The following NRG3 variants were observed in gnomAD, a reference collection of about 807,000 sequenced individuals.
NRG3 encodes pro-neuregulin-3, membrane-bound isoform.
Under a neutral mutation model 66.9 loss-of-function variants are expected in NRG3, and 31 were observed. That is an observed-to-expected ratio of 0.46 (90% CI 0.35 to 0.63). NRG3 has a LOEUF of 0.63. NRG3 is among the 20% of genes least tolerant of loss of function. The pLI is 0.00. For missense variants in NRG3, 910 were observed against 878.9 expected (o/e 1.04, Z -0.45); for synonymous variants, 393 against 359.4 (o/e 1.09, Z -1.06).
intron 1 of NRG3, among the ~76,000 whole-genome samples, chr10:82,354,184 G>A (rs561865462): frequency 7.3e-5 from 11 of 149,748 alleles, no homozygotes; most frequent in East Asian, 4.0e-4. Flanking sequence ...ACAGGCGTGC[G>A]CCACCATGCC....
At chr10:82,470,758 A>T (rs999593966) in intron 2 of NRG3, among the ~76,000 whole-genome samples, 1 of 152,164 alleles carries the variant, frequency 6.6e-6, no homozygotes, top group Non-Finnish European at 1.5e-5. Context: ...CAGCTCAGCA[A>T]TCCTTTTGCC....
intron 3 of NRG3, among the ~76,000 whole-genome samples, chr10:82,794,753 C>T (rs781647052): frequency 6.6e-6 from 1 of 151,944 alleles, no homozygotes; most frequent in African/African-American, 2.4e-5. Flanking sequence ...TTAAATACAT[C>T]GAAGAGTAAA....
chr10:82,549,612 A>G (rs1565057843), intron 2 of NRG3, among the ~76,000 whole-genome samples: 2 of 152,182 alleles, frequency 1.3e-5, no homozygotes, highest in Non-Finnish European at 2.9e-5. Flanking sequence ...ACTATCTGTT[A>G]CAAAGCTGAT....
At chr10:82,579,927 G>A (rs770714785) in intron 2 of NRG3, among the ~76,000 whole-genome samples, 1 of 151,854 alleles carries the variant, frequency 6.6e-6, no homozygotes. Flanking sequence ...TATCAATACA[G>A]TCACTCCTTG....
intron 1 of NRG3, among the ~76,000 whole-genome samples, chr10:81,934,013 T>G (rs972226364): frequency 1.3e-5 from 2 of 152,228 alleles, no homozygotes; most frequent in African/African-American, 2.4e-5. Flanking sequence ...CATTTGGATA[T>G]TGTTTAAACC....
At chr10:82,798,127 C>G (rs1359378327) in intron 3 of NRG3, among the ~76,000 whole-genome samples, 1 of 151,974 alleles carries the variant, frequency 6.6e-6, no homozygotes, top group Admixed American at 6.6e-5. Context: ...CACTGTTTTC[C>G]TCTTACTCAC....
intron 1 of NRG3, among the ~76,000 whole-genome samples, chr10:82,201,911 AAG>A (rs2074848071): frequency 6.6e-6 from 1 of 152,092 alleles, no homozygotes; most frequent in African/African-American, 2.4e-5. Flanking sequence ...GGATTTAGAG[AAG>A]AGAGAGACAC....
chr10:82,708,128 C>T (rs1392452222), intron 2 of NRG3, among the ~76,000 whole-genome samples: 1 of 151,940 alleles, frequency 6.6e-6, no homozygotes, highest in African/African-American at 2.4e-5. Flanking sequence ...TACGAATACT[C>T]TGCTATTTTT....
At chr10:82,354,299 T>G (rs1257718527) in intron 1 of NRG3, among the ~76,000 whole-genome samples, 1 of 152,004 alleles carries the variant, frequency 6.6e-6, no homozygotes, top group Non-Finnish European at 1.5e-5. Context: ...CCTTGGCTCC[T>G]GTAGTTCTGA....
intron 1 of NRG3, among the ~76,000 whole-genome samples, chr10:82,187,546 G>A (rs2073879029): frequency 2.0e-5 from 3 of 152,156 alleles, no homozygotes; most frequent in Non-Finnish European, 1.5e-5. Context: ...TTAATTTAGA[G>A]TGAGAAGGAT....
chr10:82,746,511 G>A (rs2058652202), intron 3 of NRG3, among the ~76,000 whole-genome samples: 1 of 152,142 alleles, frequency 6.6e-6, no homozygotes, highest in African/African-American at 2.4e-5. Flanking sequence ...GGAGAGCTGG[G>A]CATTCAGGAG....
At chr10:82,822,285 G>A (rs2061985050) in intron 3 of NRG3, among the ~76,000 whole-genome samples, 1 of 151,942 alleles carries the variant, frequency 6.6e-6, no homozygotes, top group African/African-American at 2.4e-5. Flanking sequence ...CCAGACTACC[G>A]GGAAGCTCCT....
intron 2 of NRG3, among the ~76,000 whole-genome samples, chr10:82,699,212 A>G (rs573819962): frequency 6.7e-6 from 1 of 149,238 alleles, no homozygotes; most frequent in South Asian, 2.2e-4. Flanking sequence ...TCACTTAATG[A>G]TTGTGGAAGA....
rs968723704 is a variant in NRG3 at position 82,986,590 on chromosome 10, G to C, written c.*985G>C. 2 of 152,134 alleles carry C rather than the reference G, an allele frequency of 1.3e-5. No individual in the cohort carries two copies. The highest frequency in any genetic ancestry group is 2.9e-5 in the Non-Finnish European group (2 of 68,026). The allele number at this position is 152,134 out of a possible 1,614,324, so 9.4% of individuals were successfully genotyped here. ...TTCCATTAAGTATAAAGTTCAGTTAGTTCTTAAATCAAGGTCACTTGCATG... is the reference window on the plus strand; with the variant it reads ...TTCCATTAAGTATAAAGTTCAGTTACTTCTTAAATCAAGGTCACTTGCATG... On this transcript the variant is annotated 3_prime_UTR_variant, in exon 9 of 9. Transcript: ENST00000372141.
chr10:82,801,543 A>G (rs1015384571), intron 3 of NRG3, among the ~76,000 whole-genome samples: 1 of 152,180 alleles, frequency 6.6e-6, no homozygotes, highest in Non-Finnish European at 1.5e-5. Context: ...AGGGTTAATC[A>G]TTGTGTCATT....
chr10:82,703,906 C>T (rs2245896), intron 2 of NRG3, among the ~76,000 whole-genome samples: 86,018 of 151,846 alleles, frequency 0.57, 27,015 homozygotes, highest in East Asian at 0.73. Context: ...TGTTATTCAT[C>T]GGGGAAGCAT....
chr10:82,084,502 AT>A (rs11324774), intron 1 of NRG3, among the ~76,000 whole-genome samples: 9,245 of 145,312 alleles, frequency 0.064, 366 homozygotes, highest in African/African-American at 0.11. Context: ...CATATATGAG[AT>A]TTTTTTTTTT....
intron 3 of NRG3, among the ~76,000 whole-genome samples, chr10:82,749,858 C>A (rs1333401296): frequency 1.3e-5 from 2 of 151,724 alleles, no homozygotes; most frequent in South Asian, 2.1e-4. Flanking sequence ...AAACAATAAC[C>A]ACAAAACCCA....
intron 1 of NRG3, among the ~76,000 whole-genome samples, chr10:82,148,883 C>T (rs758449516): frequency 1.6e-4 from 25 of 151,928 alleles, no homozygotes; most frequent in Admixed American, 2.6e-4. Flanking sequence ...GCTTGCCTGT[C>T]CTGCTTGCCT....
Sources: allele counts gnomAD v4.1 joint callset (sites outside exome capture counted in the v4.1 genomes callset), GRCh38; gene constraint gnomAD v4.1.1; transcripts MANE v1.5; gene names NCBI Gene and HGNC (gene_info 2026-07-23, HGNC 2026-07-21).